Variants in FNIP1 observed in about 807,000 individuals in gnomAD.
The protein encoded by FNIP1 is folliculin interacting protein 1.
FNIP1 carries 40 observed loss-of-function variants against 124.5 expected under a neutral mutation model. That is an observed-to-expected ratio of 0.32 (90% CI 0.25 to 0.42). The LOEUF (loss-of-function observed/expected upper bound fraction) is 0.42. Among genes scored for constraint, FNIP1 ranks in the 10% least tolerant of loss-of-function variants. The probability of loss-of-function intolerance (pLI) is 1.00; values close to 1 mark genes in which losing one functional copy is unlikely to be tolerated. For missense variants in FNIP1, 1,176 were observed against 1,403.7 expected (o/e 0.84, Z 2.59); for synonymous variants, 472 against 470.6 (o/e 1.00, Z -0.04).
intron 1 of FNIP1, among the ~76,000 whole-genome samples, chr5:131,779,426 T>A (rs915594157): frequency 2.9e-4 from 44 of 151,878 alleles, no homozygotes; most frequent in African/African-American, 1.0e-3. Context: ...ACGCCTGTAA[T>A]CCCAGCACTT....
intron 15 of FNIP1, among the ~76,000 whole-genome samples, chr5:131,665,137 C>T (rs1767559930): frequency 1.3e-5 from 2 of 152,010 alleles, no homozygotes; most frequent in East Asian, 1.9e-4. Flanking sequence ...CAGTGTAAGT[C>T]TGGTAAACAA....
intron 1 of FNIP1, among the ~76,000 whole-genome samples, chr5:131,762,154 TAAAAG>T (rs1329338389): frequency 6.6e-6 from 1 of 152,100 alleles, no homozygotes; most frequent in Non-Finnish European, 1.5e-5. Context: ...ATGAAACTGC[TAAAAG>T]AAAACATTGG....
At chr5:131,759,574 T>A (rs1347600602) in intron 1 of FNIP1, among the ~76,000 whole-genome samples, 1 of 152,034 alleles carries the variant, frequency 6.6e-6, no homozygotes, top group Non-Finnish European at 1.5e-5. Flanking sequence ...CAGGCTGGCT[T>A]TTATTAAAAA....
rs778975882 is a variant in FNIP1 at position 131,672,447 on chromosome 5, T to C, written c.1997A>G (p.Tyr666Cys). 1.7e-5 allele frequency: 28 copies of C among 1,613,522 alleles called. 2 individuals carry two copies. The Admixed American group carries it at 1.8e-4, about 11-fold the overall frequency. Residue 666 changes from tyrosine to cysteine, a missense_variant, in exon 14 of 18, where the codon TAC (tyrosine) becomes TGC (cysteine). Tyr to Cys is a radical substitution (Grantham distance 194). This residue lies in a region of FNIP1 where 1,109 missense variants were observed against 1,288.5 expected (regional missense o/e 0.86). Coordinates refer to ENST00000510461, the MANE Select transcript of FNIP1 (RefSeq NM_133372.3). ...AAAGCAAGTTCTTAATTTATCTCTG[T>C]ACTGTTTAACATCAACAGCATTTTC... ...QEENAVDVKQ[Y>C]RDKLRTCFDA... is the part of the protein sequence containing the mutation.
intron 3 of FNIP1, among the ~76,000 whole-genome samples, 200 bp from the exon 4 acceptor site, chr5:131,719,617 T>C (rs1331939978): frequency 6.6e-6 from 1 of 152,250 alleles, no homozygotes; most frequent in African/African-American, 2.4e-5. Flanking sequence ...CACATAAATT[T>C]GACTAATTCC....
intron 2 of FNIP1, among the ~76,000 whole-genome samples, chr5:131,735,053 C>T (rs1234616402): frequency 1.3e-5 from 2 of 152,264 alleles, no homozygotes; most frequent in Non-Finnish European, 2.9e-5. Context: ...AGACTTGGAA[C>T]CAACCCAAAT....
At chr5:131,775,566 C>T (rs1398038869) in intron 1 of FNIP1, among the ~76,000 whole-genome samples, 2 of 133,178 alleles carry the variant, frequency 1.5e-5, no homozygotes, top group East Asian at 2.2e-4. Context: ...TTCGCTCTTT[C>T]GTCCAGGCTG....
At chr5:131,746,807 G>T (rs764461367) in intron 1 of FNIP1, among the ~76,000 whole-genome samples, 3 of 152,164 alleles carry the variant, frequency 2.0e-5, no homozygotes, top group Non-Finnish European at 2.9e-5. Context: ...TGTGATCGCT[G>T]AGTCAAATGG....
intron 1 of FNIP1, among the ~76,000 whole-genome samples, chr5:131,755,948 G>T (rs1022681780): frequency 1.3e-5 from 2 of 152,004 alleles, no homozygotes; most frequent in Admixed American, 1.3e-4. Context: ...GGCAAAGGTT[G>T]CAGTGAGCCG....
At chr5:131,719,286 C>A in intron 4 of FNIP1, 31 bp downstream of exon 4, 2 of 1,572,096 alleles carry the variant, frequency 1.3e-6, no homozygotes, top group Non-Finnish European at 1.7e-6. Context: ...AAAAATGGGA[C>A]TCGTTAAAAA....
chr5:131,662,121 T>C (rs1767459465), intron 15 of FNIP1, among the ~76,000 whole-genome samples: 1 of 152,214 alleles, frequency 6.6e-6, no homozygotes, highest in South Asian at 2.1e-4. Context: ...GAGTCTGAGA[T>C]GAGTCAGCAC....
At chr5:131,785,008 CTA>C (rs10656273) in intron 1 of FNIP1, among the ~76,000 whole-genome samples, 7 of 13,760 alleles carry the variant, frequency 5.1e-4, no homozygotes, top group East Asian at 1.6e-3. Flanking sequence ...ATATATATGA[CTA>C]TATATATGAT....
intron 1 of FNIP1, among the ~76,000 whole-genome samples, chr5:131,793,658 C>T (rs1316568476): frequency 3.3e-5 from 5 of 152,092 alleles, no homozygotes; most frequent in African/African-American, 1.2e-4. Context: ...CCATAAAAGA[C>T]AATACAGAAA....
intron 2 of FNIP1, among the ~76,000 whole-genome samples, chr5:131,736,040 GCT>G (rs950853516): frequency 2.0e-5 from 3 of 151,898 alleles, no homozygotes; most frequent in Non-Finnish European, 4.4e-5. Context: ...GTAATCCCTG[GCT>G]GGGATTACAG....
At chr5:131,706,231 G>A (rs894735953) in intron 9 of FNIP1, among the ~76,000 whole-genome samples, 180 bp downstream of exon 9, 3 of 152,042 alleles carry the variant, frequency 2.0e-5, no homozygotes, top group Non-Finnish European at 4.4e-5. Context: ...ACCTAAAAAT[G>A]GTTAAAATTG....
rs1423069920 is a variant in FNIP1, at chr5:131,796,982, GCCGCC to G, written c.-66_-62del. On this transcript the variant is annotated 5_prime_UTR_variant, in exon 1 of 18. It removes the in-frame stop codon of an upstream open reading frame in the 5' UTR. Coordinates refer to ENST00000510461, the MANE Select transcript of FNIP1 (RefSeq NM_133372.3). ...CGCTTGCTAGGCCCCTGCTCCTACA[GCCGCC>G]CCGCCACCCCCATGGGCGCCTCAGT... 1 of 1,443,244 alleles carries G rather than the reference GCCGCC, an allele frequency of 6.9e-7. No individual in the cohort carries two copies. Among genetic ancestry groups the G allele is most frequent in the African/African-American group, 1.4e-5 (1 of 69,200 alleles). 89.4% of individuals were successfully genotyped at this position (1,443,244 alleles called of 1,614,324 possible). A position where few individuals can be genotyped will look rare whatever the true frequency, so the allele number is the denominator to read the frequency against.
chr5:131,755,820 C>G (rs932249654), intron 1 of FNIP1, among the ~76,000 whole-genome samples: 5 of 151,924 alleles, frequency 3.3e-5, no homozygotes, highest in Non-Finnish European at 7.4e-5. Flanking sequence ...ACCACCCTGG[C>G]CAACATAGTG....
intron 1 of FNIP1, among the ~76,000 whole-genome samples, chr5:131,750,804 G>C (rs1255784683): frequency 6.6e-6 from 1 of 151,988 alleles, no homozygotes; most frequent in Non-Finnish European, 1.5e-5. Flanking sequence ...GTAGAAATAG[G>C]GTTTTGCCAT....
chr5:131,712,946 T>G lies in FNIP1; in HGVS notation c.623-2285A>C, dbSNP rs542225033. Reference sequence around the variant, plus strand: ...TTAATTTAGTCCATATTATTTTATATTACCTTATAGCAGTAATTGATGCTG... The same window carrying G: ...TTAATTTAGTCCATATTATTTTATAGTACCTTATAGCAGTAATTGATGCTG... On this transcript the variant is annotated intron_variant, in intron 6 of 17. Transcript: ENST00000510461. 7.2e-5 allele frequency among the ~76,000 whole-genome samples: 11 copies of G among 152,352 alleles called. No homozygotes were observed. In the South Asian group the frequency reaches 2.1e-3, roughly 29 times the overall value.
Sources: gnomAD v4.1 joint callset for allele counts (sites outside exome capture counted in the v4.1 genomes callset) on GRCh38, gnomAD v4.1.1 for gene constraint, gnomAD v4.1.1 regional missense constraint, MANE v1.5 for transcripts, NCBI Gene and HGNC (gene_info 2026-07-23, HGNC 2026-07-21) for gene names.